Variants in DPP6 observed in about 807,000 individuals in gnomAD.
DPP6 encodes the protein A-type potassium channel modulatory protein DPP6.
A neutral mutation model predicts 122.6 loss-of-function variants in DPP6; 69 were observed. The observed-to-expected ratio is 0.56, with a 90% CI of 0.46 to 0.69. The LOEUF is 0.69. DPP6 is among the 30% of genes least tolerant of loss of function. The probability of loss-of-function intolerance (pLI) is 0.00; values close to 1 mark genes in which losing one functional copy is unlikely to be tolerated. For synonymous variants in DPP6, 418 were observed against 433.1 expected, an observed-to-expected ratio of 0.97 and a Z score of 0.43; for missense variants, 928 against 1,116.9, an observed-to-expected ratio of 0.83 and a Z score of 2.41.
intron 1 of DPP6, among the ~76,000 whole-genome samples, chr7:154,227,954 A>G (rs995535034): frequency 2.0e-5 from 3 of 152,230 alleles, no homozygotes; most frequent in Non-Finnish European, 4.4e-5. Context: ...TTCAGGAGGA[A>G]AATCAGTGGA....
chr7:154,413,756 A>G (rs767400207), intron 1 of DPP6, among the ~76,000 whole-genome samples: 1 of 152,190 alleles, frequency 6.6e-6, no homozygotes, highest in Non-Finnish European at 1.5e-5. Flanking sequence ...CCAATTATTT[A>G]TAATAATTGG....
At chr7:154,063,458 G>A (rs116037677) in intron 1 of DPP6, among the ~76,000 whole-genome samples, 24,762 of 105,504 alleles carry the variant, frequency 0.23, 5,108 homozygotes, top group South Asian at 0.27. Context: ...GGCACCTCCC[G>A]CGAGGCAGGG....
the DPP6 span, among the ~76,000 whole-genome samples, chr7:153,821,430 A>G: frequency 2.4e-5 from 3 of 126,552 alleles, no homozygotes; most frequent in Non-Finnish European, 4.9e-5. Context: ...CTTATATTTT[A>G]TCTTTGTTGT....
chr7:154,260,524 T>G (rs569489449), intron 1 of DPP6, among the ~76,000 whole-genome samples: 104 of 151,958 alleles, frequency 6.8e-4, no homozygotes, highest in African/African-American at 2.5e-3. Context: ...ATAGCTTAGC[T>G]CCCATTTATG....
chr7:154,280,448 C>T (rs183309912), intron 1 of DPP6, among the ~76,000 whole-genome samples: 86 of 152,286 alleles, frequency 5.6e-4, no homozygotes, highest in Non-Finnish European at 1.0e-3. Flanking sequence ...CCTGCAGCCT[C>T]CCCCTTCCAT....
At chr7:154,887,264 C>T (rs1360306972) in intron 22 of DPP6, among the ~76,000 whole-genome samples, 3 of 152,168 alleles carry the variant, frequency 2.0e-5, no homozygotes, top group Non-Finnish European at 4.4e-5. Context: ...TCAGGCAGAA[C>T]CAAGAGCAGG....
chr7:154,858,570 T>A (rs977753008), intron 17 of DPP6: 1 of 152,482 alleles, frequency 6.6e-6, no homozygotes, highest in Non-Finnish European at 1.5e-5. Context: ...CCGGGGTCCA[T>A]CCGAGCCAGC....
intron 14 of DPP6, among the ~76,000 whole-genome samples, chr7:154,804,492 T>C (rs565481357): frequency 5.3e-5 from 8 of 152,364 alleles, no homozygotes; most frequent in Admixed American, 5.2e-4. Flanking sequence ...CCAAGGTTTC[T>C]GCATTGGGAG....
chr7:154,277,163 T>A (rs1804196003), intron 1 of DPP6, among the ~76,000 whole-genome samples: 1 of 152,194 alleles, frequency 6.6e-6, no homozygotes, highest in Admixed American at 6.5e-5. Context: ...AACTCACTTT[T>A]TTTTCCACTG....
At chr7:153,909,700 C>T (rs1780693269) in intron 1 of DPP6, among the ~76,000 whole-genome samples, 2 of 152,162 alleles carry the variant, frequency 1.3e-5, no homozygotes, top group Admixed American at 1.3e-4. Context: ...AATGACACCC[C>T]AAAATACACC....
chr7:154,342,744 G>A (rs759735721), intron 1 of DPP6, among the ~76,000 whole-genome samples: 3 of 152,140 alleles, frequency 2.0e-5, no homozygotes, highest in Non-Finnish European at 4.4e-5. Context: ...AAATGAATTA[G>A]ATCACTTTTT....
intron 1 of DPP6, among the ~76,000 whole-genome samples, chr7:154,208,328 A>C (rs1019610565): frequency 6.6e-6 from 1 of 152,220 alleles, no homozygotes; most frequent in African/African-American, 2.4e-5. Flanking sequence ...TCCTTGGCCA[A>C]AAATAGAGCT....
intron 1 of DPP6, among the ~76,000 whole-genome samples, chr7:153,960,963 T>C (rs1795323980): frequency 6.6e-6 from 1 of 152,202 alleles, no homozygotes; most frequent in Non-Finnish European, 1.5e-5. Flanking sequence ...AGGATGGCAG[T>C]GCTTCTGACA....
At chr7:154,805,599 C>T (rs1481342807) in intron 15 of DPP6, among the ~76,000 whole-genome samples, 3 of 152,250 alleles carry the variant, frequency 2.0e-5, no homozygotes, top group Non-Finnish European at 1.5e-5. Flanking sequence ...CCCTTCTCAA[C>T]AGCCCAACTG....
In DPP6 at chr7:154,504,697, G is replaced by A. The variant is rs555677486; in HGVS notation, c.457+29660G>A. On this transcript the variant is annotated intron_variant, in intron 3 of 25. Coordinates refer to ENST00000377770, the MANE Select transcript of DPP6 (RefSeq NM_130797.4). ...AAATTAAATACTGCCTCTCAAAATA[G>A]CCTTTCTTAACTAAAAATATCCAAG... is the stretch of plus-strand genomic sequence containing the variant. Among the ~76,000 whole-genome samples the A allele has an allele frequency of 2.8e-4, 43 of 151,954 alleles. No homozygotes were observed. The South Asian group carries it at 8.3e-3, about 29-fold the overall frequency.
rs144635379 is a variant in DPP6, at chr7:154,101,175, T to C, written c.243+48112T>C. Among the ~76,000 whole-genome samples the C allele has an allele frequency of 1.4e-3, 196 of 138,564 alleles. 8 individuals carry two copies. Among genetic ancestry groups the C allele is most frequent in the African/African-American group, 4.8e-3 (191 of 40,166 alleles). The allele number at this position is 138,564 out of a possible 152,430, so 90.9% of individuals were successfully genotyped here. A position where few individuals can be genotyped will look rare whatever the true frequency, so the allele number is the denominator to read the frequency against. ...CTCTGTAATTTCCAGTTCAGATCAGTTGTTCATCCTGTGCACTCCAGTCTC... is the reference window on the plus strand; with the variant it reads ...CTCTGTAATTTCCAGTTCAGATCAGCTGTTCATCCTGTGCACTCCAGTCTC... On this transcript the variant is annotated intron_variant, in intron 1 of 25. Coordinates refer to ENST00000377770, the MANE Select transcript of DPP6 (RefSeq NM_130797.4).
chr7:154,158,483 C>T (rs1371599591), intron 1 of DPP6, among the ~76,000 whole-genome samples: 2 of 149,736 alleles, frequency 1.3e-5, no homozygotes, highest in Non-Finnish European at 3.0e-5. Flanking sequence ...AAAAAAATCT[C>T]CTAAATTTCT....
At chr7:154,385,049 C>T (rs1039723739) in intron 1 of DPP6, among the ~76,000 whole-genome samples, 6 of 152,120 alleles carry the variant, frequency 3.9e-5, no homozygotes, top group African/African-American at 1.2e-4. Flanking sequence ...CGGCTCACGG[C>T]AAGCTCTGCC....
intron 2 of DPP6, among the ~76,000 whole-genome samples, chr7:154,449,907 C>T (rs1396632330): frequency 6.6e-6 from 1 of 151,956 alleles, no homozygotes; most frequent in Non-Finnish European, 1.5e-5. Flanking sequence ...ACTTGGGAGG[C>T]TGAGGCAGGA....
Sources: allele counts gnomAD v4.1 joint callset (sites outside exome capture counted in the v4.1 genomes callset), GRCh38; gene constraint gnomAD v4.1.1; transcripts MANE v1.5; gene names NCBI Gene and HGNC (gene_info 2026-07-23, HGNC 2026-07-21).